Variants in NASP observed in about 807,000 individuals in gnomAD.
NASP encodes NASP histone chaperone.
NASP carries 24 observed loss-of-function variants against 89.5 expected under a neutral mutation model. The observed-to-expected ratio is 0.27, with a 90% CI of 0.19 to 0.38. The LOEUF (loss-of-function observed/expected upper bound fraction) is 0.38, where lower values mean the gene tolerates loss of function less well. Ranked by LOEUF, NASP falls within the 10% of genes least tolerant of loss-of-function variation. The pLI is 1.00. For synonymous variants in NASP, 306 were observed against 324.7 expected (o/e 0.94, Z 0.62); for missense variants, 848 against 921.4 (o/e 0.92, Z 1.03).
chr1:45,593,651 C>T (rs1294301161), intron 2 of NASP, among the ~76,000 whole-genome samples: 1 of 149,206 alleles, frequency 6.7e-6, no homozygotes, highest in East Asian at 1.9e-4. Flanking sequence ...TGAGTGCTGG[C>T]AATGAGCTGT....
intron 11 of NASP, chr1:45,615,741 A>T: frequency 2.6e-6 from 1 of 380,668 alleles, no homozygotes; most frequent in Non-Finnish European, 4.7e-6. Context: ...GAGTATCCTT[A>T]CCTGAATGCT....
rs1285998532 is a variant in NASP, at chr1:45,615,193, A to G, written c.1847A>G (p.Asn616Ser). Reference sequence around the variant, plus strand: ...AGCAAATCTATTGAAGTCATTGAGAACAGAATGGGTGAGTGAAGACGAGCT... The same window carrying G: ...AGCAAATCTATTGAAGTCATTGAGAGCAGAATGGGTGAGTGAAGACGAGCT... ...QFSKSIEVIE[N>S]RMAVLNEQVK... The change falls in exon 10 of 15, where the codon AAC becomes AGC. Residue 616 changes from asparagine (N) to serine (S), a missense_variant. Transcript: ENST00000350030. 6.2e-7 allele frequency: 1 copy of G among 1,614,038 alleles called. No homozygotes were observed. Among genetic ancestry groups the G allele is most frequent in the African/African-American group, 1.3e-5 (1 of 74,930 alleles).
chr1:45,590,358 A>G (rs1485778030), intron 1 of NASP, among the ~76,000 whole-genome samples: 1 of 151,870 alleles, frequency 6.6e-6, no homozygotes. Context: ...CCTGGCTAAC[A>G]CGGTGAAACC....
intron 2 of NASP, among the ~76,000 whole-genome samples, chr1:45,599,049 A>G (rs1337716197): frequency 1.3e-5 from 2 of 152,128 alleles, no homozygotes; most frequent in African/African-American, 2.4e-5. Flanking sequence ...AACCCTCTCT[A>G]ATACTCCTCA....
At position 45,602,304 on chromosome 1, in the gene NASP, C is replaced by T. The variant is rs1211353839; in HGVS notation, c.157C>T (p.His53Tyr). The T allele has an allele frequency of 1.7e-5, 27 of 1,613,758 alleles. No homozygotes were observed. Among genetic ancestry groups the T allele is most frequent in the Non-Finnish European group, 2.2e-5 (26 of 1,179,758 alleles). ...AKKLLGLGQK[H>Y]LVMGDIPAAV... ...GAAACTATTGGGTTTAGGACAGAAA[C>T]ATCTGGTGATGGGGGATATTCCAGC... The change falls in exon 3 of 15, where the codon CAT (histidine) becomes TAT (tyrosine). Residue 53 changes from histidine (H) to tyrosine (Y), a missense_variant. Coordinates refer to ENST00000350030, the MANE Select transcript of NASP (RefSeq NM_002482.4).
At chr1:45,587,895 AGTGAGTCGAGATT>A (rs987412622) in intron 1 of NASP, among the ~76,000 whole-genome samples, 21 of 150,282 alleles carry the variant, frequency 1.4e-4, no homozygotes, top group African/African-American at 4.9e-4. Flanking sequence ...CAGAGGTTGC[AGTGAGTCGAGATT>A]GTGCCACTGC....
At chr1:45,588,675 C>T (rs1389363455) in intron 1 of NASP, 7 of 444,948 alleles carry the variant, frequency 1.6e-5, no homozygotes, top group Admixed American at 4.9e-5. Flanking sequence ...CGCGGTGGCT[C>T]ACACCTGTAA....
At chr1:45,592,145 C>T (rs377366782) in intron 2 of NASP, among the ~76,000 whole-genome samples, 21 of 152,304 alleles carry the variant, frequency 1.4e-4, no homozygotes, top group African/African-American at 4.6e-4. Flanking sequence ...CCACTACACC[C>T]AGCTAATTTT....
At position 45,595,650 on chromosome 1, in the gene NASP, A is replaced by G. The variant is rs78475404; in HGVS notation, c.107+4380A>G. ...CCACTGGCAGTGATTGTGCAAAAGTAATGGTGGATAAACCTGCTGTTACCT... is the reference window on the plus strand; with the variant it reads ...CCACTGGCAGTGATTGTGCAAAAGTGATGGTGGATAAACCTGCTGTTACCT... On this transcript the variant is annotated intron_variant, in intron 2 of 14. Coordinates refer to ENST00000350030, the MANE Select transcript of NASP (RefSeq NM_002482.4). Among the ~76,000 whole-genome samples the G allele has an allele frequency of 3.0e-3, 457 of 152,358 alleles. 4 individuals carry two copies. The highest frequency in any genetic ancestry group is 0.022 in the East Asian group (113 of 5,182).
rs1042175374 is a variant in NASP at position 45,608,759 on chromosome 1, A to T, written c.1426+422A>T. ...TCTGGATTTTAAAATTATTGTTCACATGACTCCTTTTCTGTGCGTTGGGAA... is the reference window on the plus strand; with the variant it reads ...TCTGGATTTTAAAATTATTGTTCACTTGACTCCTTTTCTGTGCGTTGGGAA... On this transcript the variant is annotated intron_variant, in intron 6 of 14. Coordinates refer to ENST00000350030, the MANE Select transcript of NASP (RefSeq NM_002482.4). Among the ~76,000 whole-genome samples, 3 of 152,200 alleles carry T rather than the reference A, an allele frequency of 2.0e-5. No homozygotes were observed. In the East Asian group the frequency reaches 5.8e-4, roughly 29 times the overall value.
rs1557646719 is a variant in NASP at position 45,586,298 on chromosome 1, T to TGTGTGTG, written c.59+2094_59+2100dup. Among the ~76,000 whole-genome samples the TGTGTGTG allele has an allele frequency of 2.5e-3, 244 of 96,602 alleles. 7 individuals are homozygous for TGTGTGTG. Among genetic ancestry groups the TGTGTGTG allele is most frequent in the African/African-American group, 6.0e-3 (139 of 23,130 alleles). The allele number at this position is 96,602 out of a possible 152,430, so 63.4% of individuals were successfully genotyped here. A position where few individuals can be genotyped will look rare whatever the true frequency, so the allele number is the denominator to read the frequency against. On this transcript the variant is annotated intron_variant, in intron 1 of 14. Transcript: ENST00000350030. ...TGTGTGTGTGTGGTGTGTGTGTGTG[T>TGTGTGTG]GTGTGTGTGTGGTGTGTGTGTGTGT...
chr1:45,604,175 A>G (rs1285852525), intron 3 of NASP, among the ~76,000 whole-genome samples: 3 of 152,190 alleles, frequency 2.0e-5, no homozygotes, highest in African/African-American at 7.2e-5. Context: ...CTCTTAGGCC[A>G]TTAGTTGGCC....
At position 45,615,479 on chromosome 1, in the gene NASP, C is replaced by T. The variant is rs1644090159; in HGVS notation, c.2022+8C>T. ...GCTCTGAAAGCTACTCTGGTTGGTTCCGTTAACATTTTGATAATAGCATGT... is the reference window on the plus strand; with the variant it reads ...GCTCTGAAAGCTACTCTGGTTGGTTTCGTTAACATTTTGATAATAGCATGT... On this transcript the variant is annotated splice_region_variant and intron_variant, in intron 11 of 14. Coordinates refer to ENST00000350030, the MANE Select transcript of NASP (RefSeq NM_002482.4). 1 of 1,600,940 alleles carries T rather than the reference C, an allele frequency of 6.2e-7. No homozygotes were observed. The highest frequency in any genetic ancestry group is 1.8e-5 in the Admixed American group (1 of 56,178).
At chr1:45,602,144 C>A in intron 2 of NASP, 111 bp from the exon 3 acceptor site, 1 of 1,336,416 alleles carries the variant, frequency 7.5e-7, no homozygotes, top group Non-Finnish European at 1.0e-6. Flanking sequence ...CAGGCCTTGC[C>A]AGAGTAGTCC....
At chr1:45,593,904 G>A (rs1008293231) in intron 2 of NASP, among the ~76,000 whole-genome samples, 20 of 151,440 alleles carry the variant, frequency 1.3e-4, no homozygotes, top group Non-Finnish European at 2.2e-4. Context: ...TGGCACTTGC[G>A]TGTGGTCCCA....
intron 6 of NASP, chr1:45,611,065 G>A (rs1341423931): frequency 6.6e-6 from 1 of 152,038 alleles, no homozygotes; most frequent in Non-Finnish European, 1.5e-5. Context: ...AGTGGGTCCG[G>A]GCTTAGTTCC....
intron 5 of NASP, 43 bp from the exon 6 acceptor site, chr1:45,607,278 A>AT: frequency 6.3e-7 from 1 of 1,586,130 alleles, no homozygotes; most frequent in Non-Finnish European, 8.6e-7. Context: ...TTTATCATTA[A>AT]ACTCGAAGAC....
chr1:45,587,844 G>T (rs1423112967), intron 1 of NASP, among the ~76,000 whole-genome samples: 1 of 150,932 alleles, frequency 6.6e-6, no homozygotes, highest in East Asian at 2.0e-4. Context: ...AATTAGCCGA[G>T]CATGGGTAGC....
chr1:45,615,692 C>G, intron 11 of NASP: 2 of 492,712 alleles, frequency 4.1e-6, no homozygotes, highest in Non-Finnish European at 3.6e-6. Context: ...CTTTCTCTCC[C>G]TCAGTTGACC....
Sources: gnomAD v4.1 joint callset for allele counts (sites outside exome capture counted in the v4.1 genomes callset) on GRCh38, gnomAD v4.1.1 for gene constraint, MANE v1.5 for transcripts, NCBI Gene and HGNC (gene_info 2026-07-23, HGNC 2026-07-21) for gene names.